The following PTPRN2 variants were observed in gnomAD, a reference collection of about 807,000 sequenced individuals.
PTPRN2 encodes the protein protein tyrosine phosphatase receptor type N2.
PTPRN2 carries 74 observed loss-of-function variants against 118.8 expected under a neutral mutation model. The observed-to-expected ratio is 0.62, with a 90% CI of 0.52 to 0.76. The LOEUF (loss-of-function observed/expected upper bound fraction) is 0.76. Ranked by LOEUF, PTPRN2 falls within the 30% of genes least tolerant of loss-of-function variation. The pLI, the probability that PTPRN2 is intolerant of heterozygous loss-of-function variation, is 0.00. For synonymous variants in PTPRN2, 641 were observed against 608.0 expected, an observed-to-expected ratio of 1.05 and a Z score of -0.80; for missense variants, 1,481 against 1,394.4, an observed-to-expected ratio of 1.06 and a Z score of -0.99.
intron 1 of PTPRN2, among the ~76,000 whole-genome samples, chr7:158,531,624 C>T (rs909269676): frequency 2.6e-5 from 4 of 152,236 alleles, no homozygotes; most frequent in African/African-American, 7.2e-5. Flanking sequence ...GCAGCAGATG[C>T]AAACACCCCA....
At chr7:157,836,704 G>A (rs1011578553) in intron 12 of PTPRN2, among the ~76,000 whole-genome samples, 5 of 151,958 alleles carry the variant, frequency 3.3e-5, no homozygotes, top group Admixed American at 2.0e-4. Context: ...CACAAAACAA[G>A]TATTTTAACA....
chr7:157,950,575 T>C (rs1247638467), intron 11 of PTPRN2, among the ~76,000 whole-genome samples: 7 of 152,242 alleles, frequency 4.6e-5, no homozygotes, highest in Admixed American at 4.6e-4. Flanking sequence ...GTATTTTTGC[T>C]CTATGACCTC....
rs1481081577 is a variant in PTPRN2 at position 158,001,110 on chromosome 7, G to C, written c.1723+80188C>G. Among the ~76,000 whole-genome samples, 61 of 110,562 alleles carry C rather than the reference G, an allele frequency of 5.5e-4. 2 individuals are homozygous for C. The highest frequency in any genetic ancestry group is 9.4e-4 in the Non-Finnish European group (50 of 52,990). 72.5% of individuals were successfully genotyped at this position (110,562 alleles called of 152,430 possible). ...GGTGTCTGGCCGCAGGTGGGGTGCA[G>C]GGTGGGGGCTGGGGTTTGGCCGCAG... is the stretch of plus-strand genomic sequence containing the variant. On this transcript the variant is annotated intron_variant, in intron 11 of 22. Coordinates refer to ENST00000389418, the MANE Select transcript of PTPRN2 (RefSeq NM_002847.5).
chr7:157,800,132 A>G (rs2151093762), intron 12 of PTPRN2, among the ~76,000 whole-genome samples: 1 of 145,588 alleles, frequency 6.9e-6, no homozygotes, highest in Admixed American at 6.9e-5. Context: ...CATCCCTCAG[A>G]GGCACCACAG....
chr7:158,551,430 A>G (rs1307962611), intron 1 of PTPRN2, among the ~76,000 whole-genome samples: 3 of 150,632 alleles, frequency 2.0e-5, no homozygotes, highest in Admixed American at 6.6e-5. Context: ...GTTCTCATGC[A>G]TGCACTTGGG....
chr7:157,992,515 G>A (rs1335477995), intron 11 of PTPRN2, among the ~76,000 whole-genome samples: 1 of 152,240 alleles, frequency 6.6e-6, no homozygotes, highest in Non-Finnish European at 1.5e-5. Flanking sequence ...GCGCCTTATG[G>A]TGCTAAGGTT....
chr7:158,527,163 C>T (rs954348308), intron 1 of PTPRN2, among the ~76,000 whole-genome samples: 2 of 152,186 alleles, frequency 1.3e-5, no homozygotes, highest in African/African-American at 4.8e-5. Context: ...TTCCCGTCCT[C>T]GGAGCAAATG....
At chr7:157,758,740 G>C (rs539034822) in intron 12 of PTPRN2, among the ~76,000 whole-genome samples, 1 of 152,068 alleles carries the variant, frequency 6.6e-6, no homozygotes, top group Non-Finnish European at 1.5e-5. Context: ...TGGAGGCAGT[G>C]GTCCCTTCCC....
intron 5 of PTPRN2, among the ~76,000 whole-genome samples, chr7:158,168,302 G>A (rs144100331): frequency 1.3e-5 from 2 of 152,316 alleles, no homozygotes; most frequent in East Asian, 1.9e-4. Flanking sequence ...ACGGCAGCTC[G>A]GAGTTACTGC....
At chr7:158,457,296 T>A (rs985228468) in intron 2 of PTPRN2, among the ~76,000 whole-genome samples, 4 of 152,038 alleles carry the variant, frequency 2.6e-5, no homozygotes, top group Admixed American at 2.6e-4. Context: ...ATCCCCAGAA[T>A]CCCCAATGAG....
At chr7:157,638,510 C>T (rs1804461560) in intron 14 of PTPRN2, among the ~76,000 whole-genome samples, 1 of 152,232 alleles carries the variant, frequency 6.6e-6, no homozygotes, top group Non-Finnish European at 1.5e-5. Context: ...GACTGGTCAC[C>T]ACTCCTCTTC....
chr7:157,970,211 C>T (rs537467753), intron 11 of PTPRN2, among the ~76,000 whole-genome samples: 1 of 152,346 alleles, frequency 6.6e-6, no homozygotes, highest in South Asian at 2.1e-4. Flanking sequence ...GCACAATATA[C>T]TTGCCACCTT....
chr7:158,505,271 C>CA, intron 1 of PTPRN2, among the ~76,000 whole-genome samples: 1 of 152,168 alleles, frequency 6.6e-6, no homozygotes. Flanking sequence ...ATGAAGCCTC[C>CA]AGGCAAGGCC....
At chr7:158,108,167 GCATGAGCCTGCCAATTAAAGCCC>G (rs1296885864) in intron 10 of PTPRN2, among the ~76,000 whole-genome samples, 1 of 151,000 alleles carries the variant, frequency 6.6e-6, no homozygotes, top group African/African-American at 2.4e-5. Context: ...CTGGATGTCT[GCATGAGCCTGCCAATTAAAGCCC>G]CATGCACCTG....
chr7:157,946,539 C>T (rs540674921), intron 11 of PTPRN2, among the ~76,000 whole-genome samples: 1 of 152,344 alleles, frequency 6.6e-6, no homozygotes, highest in East Asian at 1.9e-4. Flanking sequence ...AGGCCCACAG[C>T]AGCTCCTGAG....
chr7:157,595,307 G>A lies in PTPRN2; in HGVS notation c.2427C>T (p.His809=), dbSNP rs140246794. ...CGATGTACGCGGGGTTCCTCGGGTCGTGATCCATCTGCAGAGACAAGACCA... is the reference window on the plus strand; with the variant it reads ...CGATGTACGCGGGGTTCCTCGGGTCATGATCCATCTGCAGAGACAAGACCA... ...DYINASPIMD[H]DPRNPAYIAT... Residue 809 remains histidine, a synonymous_variant, in exon 17 of 23, where the codon CAC becomes CAT. Coordinates refer to ENST00000389418, the MANE Select transcript of PTPRN2 (RefSeq NM_002847.5). The A allele has an allele frequency of 2.9e-4, 474 of 1,614,066 alleles. No homozygotes were observed. The highest frequency in any genetic ancestry group is 3.7e-4 in the Non-Finnish European group (435 of 1,180,028).
At chr7:158,580,510 G>A (rs1159997335) in intron 1 of PTPRN2, among the ~76,000 whole-genome samples, 2 of 152,098 alleles carry the variant, frequency 1.3e-5, no homozygotes, top group African/African-American at 2.4e-5. Context: ...ACGTGGTGAC[G>A]GAGCACCCAC....
In PTPRN2 at chr7:157,964,587, G is replaced by A. The variant is rs942204159; in HGVS notation, c.1724-65850C>T. 6.6e-6 allele frequency among the ~76,000 whole-genome samples: 1 copy of A among 152,210 alleles called. No individual in the cohort carries two copies. The highest frequency in any genetic ancestry group is 6.5e-5 in the Admixed American group (1 of 15,288). Reference sequence around the variant, plus strand: ...CAACCCCGTGCAGGCCACAACACAGGAGCAGGTGCAGCAGGGCCCTTGAGT... The same window carrying A: ...CAACCCCGTGCAGGCCACAACACAGAAGCAGGTGCAGCAGGGCCCTTGAGT... On this transcript the variant is annotated intron_variant, in intron 11 of 22. Transcript: ENST00000389418. This position sits in a 1 kb window ranked among gnomAD's most constrained non-coding sequence, Gnocchi z 9.0.
chr7:158,377,578 G>C (rs535839351), intron 2 of PTPRN2, among the ~76,000 whole-genome samples: 3 of 152,138 alleles, frequency 2.0e-5, no homozygotes, highest in Non-Finnish European at 4.4e-5. Context: ...GCTCGGCTTG[G>C]GGGTGGAAAT....
Sources: allele counts gnomAD v4.1 joint callset (sites outside exome capture counted in the v4.1 genomes callset), GRCh38; gene constraint gnomAD v4.1.1; non-coding constraint Gnocchi (gnomAD v3.1); transcripts MANE v1.5; gene names NCBI Gene and HGNC (gene_info 2026-07-23, HGNC 2026-07-21).